Variants in CSMD1 observed in about 807,000 individuals in gnomAD.
CSMD1 encodes the protein CUB and sushi domain-containing protein 1.
A neutral mutation model predicts 417.5 loss-of-function variants in CSMD1; 213 were observed. The ratio of observed to expected loss-of-function variants is 0.51; its 90% confidence interval spans 0.46 to 0.57. The LOEUF (loss-of-function observed/expected upper bound fraction) is 0.57, where lower values mean the gene tolerates loss of function less well. Ranked by LOEUF, CSMD1 falls within the 20% of genes least tolerant of loss-of-function variation. CSMD1 has a pLI of 0.00. For missense variants in CSMD1, 6,923 were observed against 4,529.7 expected (o/e 1.53, Z -15.17); for synonymous variants, 2,862 against 1,736.8 (o/e 1.65, Z -16.11).
intron 2 of CSMD1, among the ~76,000 whole-genome samples, chr8:4,521,720 A>G (rs1803462357): frequency 6.6e-6 from 1 of 152,194 alleles, no homozygotes; most frequent in African/African-American, 2.4e-5. Flanking sequence ...CAAACATTTC[A>G]ATAGACATAG....
At chr8:3,829,724 T>G (rs568133557) in intron 5 of CSMD1, among the ~76,000 whole-genome samples, 1 of 152,230 alleles carries the variant, frequency 6.6e-6, no homozygotes, top group Non-Finnish European at 1.5e-5. Flanking sequence ...TTTCTTCCTG[T>G]AGCAGTTCTC....
chr8:4,513,395 T>C (rs571035183), intron 2 of CSMD1, among the ~76,000 whole-genome samples: 7 of 152,260 alleles, frequency 4.6e-5, no homozygotes, highest in African/African-American at 1.7e-4. Flanking sequence ...AATCCTCAAG[T>C]AGCACCTGTA....
intron 3 of CSMD1, among the ~76,000 whole-genome samples, chr8:4,325,877 C>T (rs1003623757): frequency 6.6e-6 from 1 of 152,126 alleles, no homozygotes; most frequent in Non-Finnish European, 1.5e-5. Context: ...GAGTTCCGTT[C>T]TGTATATGCA....
intron 45 of CSMD1, among the ~76,000 whole-genome samples, chr8:3,107,446 T>C (rs1256728550): frequency 6.6e-6 from 1 of 152,120 alleles, no homozygotes; most frequent in Non-Finnish European, 1.5e-5. Flanking sequence ...CTACCAAATG[T>C]TGTAGAGGAA....
chr8:4,540,600 T>C (rs1259658618), intron 2 of CSMD1, among the ~76,000 whole-genome samples: 1 of 152,102 alleles, frequency 6.6e-6, no homozygotes, highest in Non-Finnish European at 1.5e-5. Flanking sequence ...ATAAGCACTA[T>C]AACAGAAGTG....
At chr8:4,107,392 T>C (rs537519084) in intron 3 of CSMD1, among the ~76,000 whole-genome samples, 3 of 152,306 alleles carry the variant, frequency 2.0e-5, no homozygotes, top group Admixed American at 6.5e-5. Flanking sequence ...TATACAAAAA[T>C]CACTCGCTCC....
chr8:3,640,634 T>C (rs1797260028), intron 7 of CSMD1, among the ~76,000 whole-genome samples: 1 of 152,220 alleles, frequency 6.6e-6, no homozygotes, highest in South Asian at 2.1e-4. Context: ...GTCGTCCTGC[T>C]ACGTAAATTA....
intron 1 of CSMD1, among the ~76,000 whole-genome samples, chr8:4,722,713 C>A (rs1809140618): frequency 6.6e-6 from 1 of 152,052 alleles, no homozygotes; most frequent in Non-Finnish European, 1.5e-5. Flanking sequence ...ATGATGTCAG[C>A]TGATTTTTAC....
chr8:4,309,971 G>A (rs1798469288), intron 3 of CSMD1, among the ~76,000 whole-genome samples: 1 of 152,120 alleles, frequency 6.6e-6, no homozygotes, highest in Admixed American at 6.6e-5. Context: ...TTTACATAGT[G>A]CTTTATTTTC....
Position 3,865,094 on chromosome 8 carries a change from C to G in CSMD1, c.819-111052G>C, listed in dbSNP as rs59757163. On this transcript the variant is annotated intron_variant, in intron 5 of 69. Coordinates refer to ENST00000635120, the MANE Select transcript of CSMD1 (RefSeq NM_033225.6). ...CAACAGTGTTACTTTGGTAACAATA[C>G]TCCACACACTATTCTGGCCTCACTT... 5.6e-3 allele frequency among the ~76,000 whole-genome samples: 851 copies of G among 152,284 alleles called. 6 individuals are homozygous for G. The highest frequency in any genetic ancestry group is 0.02 in the African/African-American group (812 of 41,560).
At chr8:4,086,318 A>G (rs1800417189) in intron 3 of CSMD1, among the ~76,000 whole-genome samples, 1 of 152,220 alleles carries the variant, frequency 6.6e-6, no homozygotes, top group South Asian at 2.1e-4. Flanking sequence ...CAGAAGTTCC[A>G]AAGCCTTTTT....
chr8:3,634,909 C>T (rs2128213), intron 7 of CSMD1, among the ~76,000 whole-genome samples: 56,463 of 151,966 alleles, frequency 0.37, 11,027 homozygotes, highest in Middle Eastern at 0.56. Flanking sequence ...AGGGTACAGC[C>T]GCTTGCTCCT....
intron 5 of CSMD1, among the ~76,000 whole-genome samples, chr8:3,803,975 T>G (rs553107432): frequency 1.3e-5 from 2 of 152,280 alleles, no homozygotes; most frequent in East Asian, 1.9e-4. Context: ...TCGCCCAGGC[T>G]GGAGTGCAAT....
chr8:4,086,118 G>T (rs778123081), intron 3 of CSMD1, among the ~76,000 whole-genome samples: 1 of 152,048 alleles, frequency 6.6e-6, no homozygotes, highest in South Asian at 2.1e-4. Flanking sequence ...ATTCTATGAG[G>T]TAGATGTTAT....
chr8:4,038,409 C>A (rs1797726429), intron 3 of CSMD1, among the ~76,000 whole-genome samples: 1 of 152,100 alleles, frequency 6.6e-6, no homozygotes, highest in Non-Finnish European at 1.5e-5. Context: ...TAGGTCTATG[C>A]AAAGATTCAA....
At chr8:4,107,857 G>T (rs1281631637) in intron 3 of CSMD1, among the ~76,000 whole-genome samples, 1 of 152,090 alleles carries the variant, frequency 6.6e-6, no homozygotes, top group Non-Finnish European at 1.5e-5. Flanking sequence ...TCTCTCTGAT[G>T]GAAATAGAAG....
At chr8:3,913,421 G>C (rs2948652) in intron 5 of CSMD1, among the ~76,000 whole-genome samples, 45,857 of 151,930 alleles carry the variant, frequency 0.3, 7,814 homozygotes, top group African/African-American at 0.46. Flanking sequence ...ACTGGGATGT[G>C]TCCCAGAAGC....
chr8:3,406,200 T>C lies in CSMD1; in HGVS notation c.2093A>G (p.His698Arg). Residue 698 changes from histidine to arginine, a missense_variant, in exon 15 of 70, where the codon CAT becomes CGT. Physicochemically the swap from His to Arg is conservative, Grantham distance 29. Transcript: ENST00000635120. ...TYTTFGQNEC[H>R]DPGIPINGRR... ...TCCGTTTATAGGAATGCCAGGATCATGGCACTCATTCTGACCAAATGCTGA... is the reference window on the plus strand; with the variant it reads ...TCCGTTTATAGGAATGCCAGGATCACGGCACTCATTCTGACCAAATGCTGA... The C allele has an allele frequency of 1.2e-6, 2 of 1,609,064 alleles. No individual in the cohort carries two copies. Among genetic ancestry groups the C allele is most frequent in the Non-Finnish European group, 1.7e-6 (2 of 1,177,418 alleles).
At chr8:4,249,865 T>G (rs1332629434) in intron 3 of CSMD1, among the ~76,000 whole-genome samples, 1 of 152,116 alleles carries the variant, frequency 6.6e-6, no homozygotes, top group Non-Finnish European at 1.5e-5. Context: ...CCGGAATTCT[T>G]GAGTTGGCAA....
Sources: allele counts gnomAD v4.1 joint callset (sites outside exome capture counted in the v4.1 genomes callset), GRCh38; gene constraint gnomAD v4.1.1; transcripts MANE v1.5; gene names NCBI Gene and HGNC (gene_info 2026-07-23, HGNC 2026-07-21).